SIPA1L3: variants seen among roughly 807,000 people sequenced by gnomAD.
The protein encoded by SIPA1L3 is signal-induced proliferation-associated 1-like protein 3.
Under a neutral mutation model 150.1 loss-of-function variants are expected in SIPA1L3, and 59 were observed. The ratio of observed to expected loss-of-function variants is 0.39; its 90% CI spans 0.32 to 0.49. SIPA1L3 has a LOEUF of 0.49. Ranked by LOEUF, SIPA1L3 falls within the 20% of genes least tolerant of loss-of-function variation. SIPA1L3 has a pLI of 0.86. For missense variants in SIPA1L3, 2,211 were observed against 2,489.5 expected (o/e 0.89, Z 2.38); for synonymous variants, 1,070 against 1,077.6 (o/e 0.99, Z 0.14).
Position 38,119,338 on chromosome 19 carries a change from C to T in SIPA1L3, c.2324C>T (p.Pro775Leu), listed in dbSNP as rs757004604. ...GTGACCCGATCCAAAGACGCTCCTCCTTTCGGCCCCCCCATCCCCAGTGGA... is the reference window on the plus strand; with the variant it reads ...GTGACCCGATCCAAAGACGCTCCTCTTTTCGGCCCCCCCATCCCCAGTGGA... ...MAVTRSKDAP[P>L]FGPPIPSGTT... The change falls in exon 9 of 22, where the codon CCT (proline) becomes CTT (leucine). Residue 775 changes from proline to leucine, a missense_variant. By Grantham distance (98) the Pro-to-Leu change is moderately conservative (BLOSUM62 -3). Transcript: ENST00000222345. 6.2e-7 allele frequency: 1 copy of T among 1,614,174 alleles called. No homozygotes were observed. Among genetic ancestry groups the T allele is most frequent in the Admixed American group, 1.7e-5 (1 of 60,012 alleles).
At chr19:38,065,915 C>CTATTTATTTATT (rs56132149) in intron 2 of SIPA1L3, among the ~76,000 whole-genome samples, 7,564 of 127,704 alleles carry the variant, frequency 0.059, 517 homozygotes, top group East Asian at 0.081. Context: ...ATTTATTTAT[C>CTATTTATTTATT]TATTTATTTA....
At chr19:38,155,451 A>G (rs1012876489) in intron 13 of SIPA1L3, among the ~76,000 whole-genome samples, 2 of 152,188 alleles carry the variant, frequency 1.3e-5, no homozygotes, top group African/African-American at 4.8e-5. Context: ...CATCTTCTCA[A>G]TGTGTCTTCC....
intron 9 of SIPA1L3, among the ~76,000 whole-genome samples, chr19:38,127,249 T>C (rs539278938): frequency 6.6e-6 from 1 of 152,360 alleles, no homozygotes; most frequent in South Asian, 2.1e-4. Context: ...GACCCATGGC[T>C]GATCTTGTTC....
Position 38,197,477 on chromosome 19 carries a change from G to GC in SIPA1L3, c.4841-905dup, listed in dbSNP as rs1329915592. 3.3e-4 allele frequency among the ~76,000 whole-genome samples: 50 copies of GC among 151,798 alleles called. No individual in the cohort carries two copies. In the East Asian group the frequency reaches 9.3e-3, roughly 28 times the overall value. On this transcript the variant is annotated intron_variant, in intron 18 of 21. Coordinates refer to ENST00000222345, the MANE Select transcript of SIPA1L3 (RefSeq NM_015073.3). ...TGCTCAGCGTGTCATACCTGAACCT[G>GC]CCCCCCCACGGCAACCCCACCCCGT...
At chr19:37,977,902 G>A (rs773711174) in intron 1 of SIPA1L3, among the ~76,000 whole-genome samples, 1 of 152,142 alleles carries the variant, frequency 6.6e-6, no homozygotes, top group Non-Finnish European at 1.5e-5. Context: ...GAGGTCCTTC[G>A]TAAATGTTTC....
chr19:38,000,489 A>G (rs1967756566), intron 1 of SIPA1L3, among the ~76,000 whole-genome samples: 1 of 150,892 alleles, frequency 6.6e-6, no homozygotes, highest in South Asian at 2.1e-4. Flanking sequence ...AAAAAAAAAA[A>G]AAAAAAAAAG....
At chr19:38,116,232 G>A (rs941562187) in intron 8 of SIPA1L3, among the ~76,000 whole-genome samples, 2 of 152,028 alleles carry the variant, frequency 1.3e-5, no homozygotes, top group Admixed American at 6.6e-5. Flanking sequence ...TAAAGAGACC[G>A]GGTGCAGTGG....
intron 1 of SIPA1L3, among the ~76,000 whole-genome samples, chr19:37,935,697 C>T (rs2046594600): frequency 6.6e-6 from 1 of 152,108 alleles, no homozygotes; most frequent in African/African-American, 2.4e-5. Flanking sequence ...GTCTTGGGAC[C>T]TCTCCTTTCA....
At chr19:38,072,239 T>C (rs1243007194) in intron 2 of SIPA1L3, among the ~76,000 whole-genome samples, 1 of 152,168 alleles carries the variant, frequency 6.6e-6, no homozygotes, top group Admixed American at 6.5e-5. Flanking sequence ...GTAATAATGA[T>C]ACCCACCTCA....
At chr19:38,045,125 C>G (rs1477665160) in intron 2 of SIPA1L3, among the ~76,000 whole-genome samples, 1 of 152,120 alleles carries the variant, frequency 6.6e-6, no homozygotes, top group Admixed American at 6.5e-5. Flanking sequence ...CACCTGTAAT[C>G]CCAGCACTTC....
chr19:38,002,721 A>C (rs1207613152), intron 1 of SIPA1L3, among the ~76,000 whole-genome samples: 3 of 77,078 alleles, frequency 3.9e-5, no homozygotes, highest in East Asian at 2.2e-3. Context: ...CCATCTCAAA[A>C]AAAAAAAAAA....
intron 1 of SIPA1L3, among the ~76,000 whole-genome samples, chr19:37,912,716 C>CG (rs35189119): frequency 0.064 from 9,718 of 152,216 alleles, 404 homozygotes; most frequent in Non-Finnish European, 0.092. Context: ...AGACTGGTCT[C>CG]GAAGTCCTGG....
At chr19:38,104,214 A>C (rs1359718968) in intron 6 of SIPA1L3, among the ~76,000 whole-genome samples, 1 of 152,224 alleles carries the variant, frequency 6.6e-6, no homozygotes, top group Non-Finnish European at 1.5e-5. Flanking sequence ...GGTGTTAGGC[A>C]GGTGTCTGGG....
intron 1 of SIPA1L3, among the ~76,000 whole-genome samples, chr19:37,984,789 A>C (rs1371415711): frequency 6.6e-6 from 1 of 152,170 alleles, no homozygotes; most frequent in Non-Finnish European, 1.5e-5. Context: ...TATGGCTGGT[A>C]CTCCACAGAT....
At chr19:38,100,490 C>G (rs1014206697) in intron 5 of SIPA1L3, among the ~76,000 whole-genome samples, 1 of 152,184 alleles carries the variant, frequency 6.6e-6, no homozygotes, top group Admixed American at 6.5e-5. Context: ...TCCCACAGCT[C>G]CCAGTCTGTT....
chr19:37,920,058 ATTT>A (rs770521761), intron 1 of SIPA1L3, among the ~76,000 whole-genome samples: 11 of 119,580 alleles, frequency 9.2e-5, no homozygotes, highest in Admixed American at 1.7e-4. Context: ...TTGGTTTGTA[ATTT>A]TTTTTTTTTT....
At chr19:38,108,930 A>G (rs1390142392) in intron 7 of SIPA1L3, among the ~76,000 whole-genome samples, 1 of 152,184 alleles carries the variant, frequency 6.6e-6, no homozygotes. Flanking sequence ...TGCAGGTTGC[A>G]GTGAGCCGAG....
intron 1 of SIPA1L3, among the ~76,000 whole-genome samples, chr19:37,925,214 A>G (rs1364903226): frequency 6.6e-6 from 1 of 152,106 alleles, no homozygotes; most frequent in Admixed American, 6.6e-5. Context: ...GGCAATAGGA[A>G]TTTTTCAGCT....
chr19:37,986,239 A>G (rs1967347308), intron 1 of SIPA1L3, among the ~76,000 whole-genome samples: 1 of 152,236 alleles, frequency 6.6e-6, no homozygotes, highest in Non-Finnish European at 1.5e-5. Context: ...AATGCCTTCC[A>G]TGTGCCTCAC....
Sources: allele counts gnomAD v4.1 joint callset (sites outside exome capture counted in the v4.1 genomes callset), GRCh38; gene constraint gnomAD v4.1.1; transcripts MANE v1.5; gene names NCBI Gene and HGNC (gene_info 2026-07-23, HGNC 2026-07-21).